Variants in ZFHX3 observed in about 807,000 individuals in gnomAD.
The protein encoded by ZFHX3 is zinc finger homeobox 3, also known as zinc finger homeobox protein 3.
A neutral mutation model predicts 279.1 loss-of-function variants in ZFHX3; 42 were observed. The ratio of observed to expected loss-of-function variants is 0.15; its 90% CI spans 0.12 to 0.19. The LOEUF is 0.19. Among genes scored for constraint, ZFHX3 ranks in the 10% least tolerant of loss-of-function variants. The probability of loss-of-function intolerance (pLI) is 1.00; values close to 1 mark genes in which losing one functional copy is unlikely to be tolerated. For synonymous variants in ZFHX3, 2,293 were observed against 1,957.8 expected (o/e 1.17, Z -4.52); for missense variants, 4,981 against 4,754.0 (o/e 1.05, Z -1.40).
intron 1 of ZFHX3, chr16:73,796,545 T>A (rs1959994248): frequency 6.6e-6 from 1 of 152,140 alleles, no homozygotes. Flanking sequence ...GATCTAGAAG[T>A]CACCCGATGC....
chr16:73,487,562 A>G (rs548283140), intron 2 of ZFHX3: 1 of 319,250 alleles, frequency 3.1e-6, no homozygotes, highest in Non-Finnish European at 6.2e-6. Flanking sequence ...CACCATGCCC[A>G]GCTAATTTTT....
intron 1 of ZFHX3, among the ~76,000 whole-genome samples, chr16:73,807,620 A>AT (rs55806545): frequency 0.11 from 7,732 of 70,604 alleles, 1,002 homozygotes; most frequent in Non-Finnish European, 0.15. Context: ...CCATGCCCCA[A>AT]TTTTTTTTTT....
chr16:73,634,522 T>C (rs1031031580), intron 2 of ZFHX3, among the ~76,000 whole-genome samples: 1 of 150,678 alleles, frequency 6.6e-6, no homozygotes, highest in Non-Finnish European at 1.5e-5. Context: ...TTTCCCCAGA[T>C]ATTTTACAGA....
chr16:73,242,787 G>A (rs752906529), intron 5 of ZFHX3, among the ~76,000 whole-genome samples: 77 of 152,202 alleles, frequency 5.1e-4, no homozygotes, highest in Non-Finnish European at 4.7e-4. Context: ...CTTAACGAGC[G>A]GAGTACAGGC....
chr16:72,887,528 G>A (rs950163933), intron 4 of ZFHX3, among the ~76,000 whole-genome samples: 5 of 152,032 alleles, frequency 3.3e-5, no homozygotes, highest in Non-Finnish European at 7.4e-5. Flanking sequence ...GGGAGCTGGG[G>A]AGTGGGAGGG....
intron 2 of ZFHX3, among the ~76,000 whole-genome samples, chr16:73,582,079 T>C (rs1489774172): frequency 6.6e-6 from 1 of 151,892 alleles, no homozygotes; most frequent in Non-Finnish European, 1.5e-5. Flanking sequence ...TTCAAAAGCA[T>C]GGTAGCATAA....
chr16:73,145,452 G>A (rs547429153), intron 5 of ZFHX3, among the ~76,000 whole-genome samples: 2 of 152,332 alleles, frequency 1.3e-5, no homozygotes, highest in African/African-American at 2.4e-5. Context: ...CCTTACCCTG[G>A]GGGGAGGGGG....
At chr16:73,447,273 C>T (rs570700252) in intron 3 of ZFHX3, among the ~76,000 whole-genome samples, 1 of 151,806 alleles carries the variant, frequency 6.6e-6, no homozygotes, top group Non-Finnish European at 1.5e-5. Context: ...CAGGAAAACA[C>T]CAGCAACAGT....
intron 2 of ZFHX3, among the ~76,000 whole-genome samples, chr16:72,951,706 C>A (rs1333244183): frequency 1.3e-5 from 2 of 152,198 alleles, no homozygotes. Flanking sequence ...ACATACCAAG[C>A]CTTCATGGGG....
chr16:73,835,298 T>C (rs1961108032), intron 1 of ZFHX3, among the ~76,000 whole-genome samples: 1 of 151,868 alleles, frequency 6.6e-6, no homozygotes, highest in Non-Finnish European at 1.5e-5. Flanking sequence ...AGCTTTGGGG[T>C]AGCGTGTTTT....
At chr16:73,028,781 G>T (rs1964598566) in intron 1 of ZFHX3, among the ~76,000 whole-genome samples, 1 of 128,974 alleles carries the variant, frequency 7.8e-6, no homozygotes, top group Non-Finnish European at 1.6e-5. Context: ...CCCTCCCACA[G>T]CCCCGGGGCA....
At chr16:73,518,632 A>G (rs1325635165) in intron 2 of ZFHX3, among the ~76,000 whole-genome samples, 2 of 152,202 alleles carry the variant, frequency 1.3e-5, no homozygotes, top group Non-Finnish European at 2.9e-5. Context: ...AAGACCTCCA[A>G]AGAGGGAGAT....
chr16:73,092,590 T>G, intron 8 of ZFHX3: 1 of 233,744 alleles, frequency 4.3e-6, no homozygotes, highest in Non-Finnish European at 8.4e-6. Flanking sequence ...TATGAACTGT[T>G]CCAGTACGTT....
rs747309652 is a variant in ZFHX3 at position 72,796,196 on chromosome 16, T to C, written c.6486A>G (p.Gln2162=). 2.5e-6 allele frequency: 4 copies of C among 1,614,024 alleles called. No individual in the cohort carries two copies. Among genetic ancestry groups the C allele is most frequent in the Non-Finnish European group, 3.4e-6 (4 of 1,180,050 alleles). Residue 2162 remains glutamine, a synonymous_variant, in exon 9 of 10, where the codon CAA becomes CAG. Coordinates refer to ENST00000268489, the MANE Select transcript of ZFHX3 (RefSeq NM_006885.4). ...TGGGGGAGTTGTTAATGTCAAAATA[T>C]TGCCGCAAGACTCGGAGCTGATCAT... ...ITDDQLRVLR[Q]YFDINNSPSE...
chr16:72,936,647 T>C (rs1195622912), intron 3 of ZFHX3, among the ~76,000 whole-genome samples: 1 of 152,172 alleles, frequency 6.6e-6, no homozygotes, highest in Non-Finnish European at 1.5e-5. Flanking sequence ...CTGCTGTGGC[T>C]GCAGTGTAGG....
chr16:73,670,058 G>A (rs2052887035), intron 2 of ZFHX3, among the ~76,000 whole-genome samples: 1 of 152,046 alleles, frequency 6.6e-6, no homozygotes, highest in South Asian at 2.1e-4. Context: ...AAATTACAAG[G>A]GCTATGAAAT....
At chr16:73,816,110 C>A (rs965020073) in intron 1 of ZFHX3, 1 of 152,064 alleles carries the variant, frequency 6.6e-6, no homozygotes, top group African/African-American at 2.4e-5. Flanking sequence ...ACAAAAATAC[C>A]CCACTATTTA....
chr16:73,311,795 A>G (rs1222847676), intron 4 of ZFHX3, among the ~76,000 whole-genome samples: 1 of 152,182 alleles, frequency 6.6e-6, no homozygotes, highest in African/African-American at 2.4e-5. Flanking sequence ...ACAAGACGAA[A>G]TATAATTGGA....
intron 3 of ZFHX3, among the ~76,000 whole-genome samples, chr16:73,411,297 TAGG>T (rs2017461400): frequency 6.6e-6 from 1 of 152,240 alleles, no homozygotes. Context: ...TTAAATTTTA[TAGG>T]AGATTTGTGT....
Sources: gnomAD v4.1 joint callset for allele counts (sites outside exome capture counted in the v4.1 genomes callset) on GRCh38, gnomAD v4.1.1 for gene constraint, MANE v1.5 for transcripts, NCBI Gene and HGNC (gene_info 2026-07-23, HGNC 2026-07-21) for gene names.